DMKN: variants seen among roughly 807,000 people sequenced by gnomAD.
The protein encoded by DMKN is epidermis-specific secreted protein SK30/SK89.
DMKN carries 58 observed loss-of-function variants against 67.6 expected under a neutral mutation model. The ratio of observed to expected loss-of-function variants is 0.86; its 90% CI spans 0.69 to 1.07. DMKN has a LOEUF of 1.07. Among genes scored for constraint, DMKN ranks in the 50% least tolerant of loss-of-function variants. DMKN has a pLI of 0.00. For missense variants in DMKN, 596 were observed against 601.5 expected, an observed-to-expected ratio of 0.99 and a Z score of 0.10; for synonymous variants, 240 against 232.3, an observed-to-expected ratio of 1.03 and a Z score of -0.30.
intron 7 of DMKN, chr19:35,508,003 G>A (rs2069926255): frequency 1.6e-6 from 1 of 614,352 alleles, no homozygotes; most frequent in South Asian, 2.2e-5. Flanking sequence ...CCTCTTAAGG[G>A]AGAGGTGGGC....
At chr19:35,498,578 A>C in intron 15 of DMKN, 138 bp downstream of exon 15, 2 of 1,198,424 alleles carry the variant, frequency 1.7e-6, no homozygotes, top group Non-Finnish European at 2.3e-6. Flanking sequence ...TCACCTTTAG[A>C]GCACGCACCC....
rs1281229656 is a variant in DMKN at position 35,512,777 on chromosome 19, C to T, written c.440G>A (p.Gly147Asp). The T allele has an allele frequency of 3.1e-6, 5 of 1,613,376 alleles. No homozygotes were observed. Among genetic ancestry groups the T allele is most frequent in the Non-Finnish European group, 4.2e-6 (5 of 1,179,898 alleles). The change falls in exon 2 of 16, where the codon GGC becomes GAC. Residue 147 changes from glycine (G) to aspartate (D), a missense_variant. By Grantham distance (94) the Gly-to-Asp change is moderately conservative. Coordinates refer to ENST00000339686, the MANE Select transcript of DMKN (RefSeq NM_033317.5). ...GHNGAWETSG[G>D]HGIFGSQGGL... is the part of the protein sequence containing the mutation. ...ACCTTGAGAGCCAAAGATGCCATGG[C>T]CTCCAGAAGTTTCCTGCAAGAACAA...
Position 35,497,448 on chromosome 19 carries a change from G to A in DMKN, c.*91C>T, listed in dbSNP as rs1206110520. 1.3e-5 allele frequency: 2 copies of A among 152,122 alleles called. No individual in the cohort carries two copies. The highest frequency in any genetic ancestry group is 2.4e-5 in the African/African-American group (1 of 41,406). The allele number at this position is 152,122 out of a possible 1,614,324, so 9.4% of individuals were successfully genotyped here. Reference sequence around the variant, plus strand: ...CTAGGAAACAGAGGTGTGGCAGCCGGGCCAGGGCTGGCACAGGCTGGGGGC... The same window carrying A: ...CTAGGAAACAGAGGTGTGGCAGCCGAGCCAGGGCTGGCACAGGCTGGGGGC... On this transcript the variant is annotated 3_prime_UTR_variant, in exon 16 of 16. Transcript: ENST00000339686.
intron 6 of DMKN, 37 bp downstream of exon 6, chr19:35,510,147 T>TC (rs767399236): frequency 1.9e-6 from 3 of 1,583,942 alleles, no homozygotes; most frequent in Non-Finnish European, 2.6e-6. Context: ...TCCTTTTCCT[T>TC]CCCGCGGTTG....
At chr19:35,500,168 T>C (rs1417435442) in intron 12 of DMKN, 139 bp from the exon 13 acceptor site, 1 of 1,215,156 alleles carries the variant, frequency 8.2e-7, no homozygotes, top group Non-Finnish European at 1.2e-6. Context: ...ACGTGTTTTC[T>C]TTTATACAAT....
intron 7 of DMKN, chr19:35,507,438 C>T: frequency 6.5e-7 from 1 of 1,549,572 alleles, no homozygotes; most frequent in Non-Finnish European, 8.7e-7. Flanking sequence ...AAAGCCAACC[C>T]TGCCTGCCCC....
chr19:35,511,303 G>T, intron 5 of DMKN, 108 bp downstream of exon 5: 4 of 1,561,132 alleles, frequency 2.6e-6, no homozygotes, highest in Non-Finnish European at 2.6e-6. Flanking sequence ...CAGCGAGGCC[G>T]CCCATCCTCG....
At chr19:35,512,915 G>T in intron 1 of DMKN, 125 bp from the exon 2 acceptor site, 1 of 1,509,040 alleles carries the variant, frequency 6.6e-7, no homozygotes, top group East Asian at 2.3e-5. Flanking sequence ...CATAGGAGGG[G>T]GGCAGAACAT....
At position 35,513,333 on chromosome 19, in the gene DMKN, C is replaced by G; in HGVS notation, c.143G>C (p.Ser48Thr). The G allele has an allele frequency of 6.2e-7, 1 of 1,614,164 alleles. No individual in the cohort carries two copies. Among genetic ancestry groups the G allele is most frequent in the East Asian group, 2.2e-5 (1 of 44,882 alleles). Residue 48 changes from serine (S) to threonine (T), a missense_variant, in exon 1 of 16, where the codon AGC (serine) becomes ACC (threonine). Physicochemically the swap from Ser to Thr is moderately conservative, Grantham distance 58. Transcript: ENST00000339686. Reference protein sequence around the residue: ...ALGHGLGDALSEGVGKAIGKE... With the variant: ...ALGHGLGDALTEGVGKAIGKE... Reference sequence around the variant, plus strand: ...GCCAATGGCCTTTCCCACCCCTTCGCTCAGGGCGTCTCCCAGGCCATGTCC... The same window carrying G: ...GCCAATGGCCTTTCCCACCCCTTCGGTCAGGGCGTCTCCCAGGCCATGTCC...
intron 9 of DMKN, chr19:35,503,557 C>A (rs915637829): frequency 2.1e-6 from 3 of 1,443,958 alleles, no homozygotes; most frequent in Admixed American, 4.5e-5. Flanking sequence ...CTCACCGCAA[C>A]CTCCGCTTCC....
intron 9 of DMKN, chr19:35,503,346 T>G: frequency 6.5e-7 from 1 of 1,545,814 alleles, no homozygotes; most frequent in African/African-American, 1.4e-5. Context: ...GGGCTGAGAT[T>G]AGTGATGAGA....
intron 9 of DMKN, among the ~76,000 whole-genome samples, chr19:35,505,269 TTTTG>T (rs1283312319): frequency 3.3e-5 from 5 of 151,998 alleles, no homozygotes; most frequent in African/African-American, 1.2e-4. Flanking sequence ...CCAGCTGTGT[TTTTG>T]TTTGTGCGGG....
At chr19:35,499,531 G>A (rs565283399) in intron 13 of DMKN, among the ~76,000 whole-genome samples, 6 of 152,128 alleles carry the variant, frequency 3.9e-5, no homozygotes, top group Non-Finnish European at 5.9e-5. Flanking sequence ...TCCACAGGCC[G>A]GCCTCCCCTA....
In DMKN at chr19:35,510,164, G is replaced by A; in HGVS notation, c.987+20C>T. On this transcript the variant is annotated intron_variant, in intron 6 of 15. Coordinates refer to ENST00000339686, the MANE Select transcript of DMKN (RefSeq NM_033317.5). ...CTTTTCCTTCCCGCGGTTGGTGGGA[G>A]ATTCACGCCAGCCACTCACCCCGGG... The A allele has an allele frequency of 2.5e-6, 4 of 1,601,246 alleles. No homozygotes were observed. The highest frequency in any genetic ancestry group is 2.3e-5 in the East Asian group (1 of 44,146).
At position 35,509,878 on chromosome 19, in the gene DMKN, T is replaced by A. The variant is rs776843345; in HGVS notation, c.1038+33A>T. 8 of 1,613,520 alleles carry A rather than the reference T, an allele frequency of 5.0e-6. No individual in the cohort carries two copies. In the South Asian group the frequency reaches 8.8e-5, roughly 18 times the overall value. Reference sequence around the variant, plus strand: ...GCACAGTCCTGGGCAGGAACTGCAGTCCCCAGGAGACTTAAGAGACTTTGG... The same window carrying A: ...GCACAGTCCTGGGCAGGAACTGCAGACCCCAGGAGACTTAAGAGACTTTGG... On this transcript the variant is annotated intron_variant, in intron 7 of 15. Coordinates refer to ENST00000339686, the MANE Select transcript of DMKN (RefSeq NM_033317.5).
Position 35,513,489 on chromosome 19 carries a change from C to CCTCT in DMKN, c.-18_-15dup, listed in dbSNP as rs761998118. ...CTGGAACTTCATCTCTGCCCAGCCCCCTCTCTCTCCAGAGTGTCTTCCTCC... is the reference window on the plus strand; with the variant it reads ...CTGGAACTTCATCTCTGCCCAGCCCCCTCTCTCTCTCTCCAGAGTGTCTTCCTCC... On this transcript the variant is annotated 5_prime_UTR_variant, in exon 1 of 16. Transcript: ENST00000339686. 1.9e-6 allele frequency: 3 copies of CCTCT among 1,587,194 alleles called. No individual in the cohort carries two copies. Among genetic ancestry groups the CCTCT allele is most frequent in the Non-Finnish European group, 2.6e-6 (3 of 1,174,888 alleles).
At position 35,505,989 on chromosome 19, in the gene DMKN, A is replaced by T. The variant is rs774003866; in HGVS notation, c.1039-3T>A. 1 of 1,614,194 alleles carries T rather than the reference A, an allele frequency of 6.2e-7. No individual in the cohort carries two copies. The highest frequency in any genetic ancestry group is 2.2e-5 in the East Asian group (1 of 44,878). ...ATCCCAGGAGACGTCTCAGAGTTCT[A>T]TGGAACCAAGGAGATATGGGATGAG... On this transcript the variant is annotated splice_polypyrimidine_tract_variant and splice_region_variant and intron_variant, in intron 7 of 15. Coordinates refer to ENST00000339686, the MANE Select transcript of DMKN (RefSeq NM_033317.5).
intron 7 of DMKN, chr19:35,508,001 G>T: frequency 3.3e-6 from 2 of 610,180 alleles, no homozygotes; most frequent in Non-Finnish European, 5.6e-6. Flanking sequence ...CCCCTCTTAA[G>T]GGAGAGGTGG....
rs527250024 is a variant in DMKN, at chr19:35,505,773, G to A, written c.1087-8C>T. Reference sequence around the variant, plus strand: ...CAGCTTGGATTTAAAATTCTATGGAGGAAACAAAAAGAAGAATGGCCAAAT... The same window carrying A: ...CAGCTTGGATTTAAAATTCTATGGAAGAAACAAAAAGAAGAATGGCCAAAT... On this transcript the variant is annotated splice_region_variant and splice_polypyrimidine_tract_variant and intron_variant, in intron 8 of 15. Coordinates refer to ENST00000339686, the MANE Select transcript of DMKN (RefSeq NM_033317.5). 34 of 1,614,116 alleles carry A rather than the reference G, an allele frequency of 2.1e-5. No homozygotes were observed. In the South Asian group the frequency reaches 3.0e-4, roughly 14 times the overall value.
Sources: gnomAD v4.1 joint callset for allele counts (sites outside exome capture counted in the v4.1 genomes callset) on GRCh38, gnomAD v4.1.1 for gene constraint, MANE v1.5 for transcripts, NCBI Gene and HGNC (gene_info 2026-07-23, HGNC 2026-07-21) for gene names.